Variants in NELL1 observed in about 807,000 individuals in gnomAD.
NELL1 encodes the protein neural EGFL like 1, also known as protein kinase C-binding protein NELL1.
A neutral mutation model predicts 107.4 loss-of-function variants in NELL1; 76 were observed. That is an observed-to-expected ratio of 0.71 (90% CI 0.59 to 0.86). The LOEUF is 0.86. NELL1 is among the 40% of genes least tolerant of loss of function. The pLI is 0.00. For missense variants in NELL1, 1,024 were observed against 1,005.5 expected (o/e 1.02, Z -0.25); for synonymous variants, 353 against 341.2 (o/e 1.03, Z -0.38).
intron 3 of NELL1, among the ~76,000 whole-genome samples, chr11:20,840,817 A>G (rs988387944): frequency 6.6e-6 from 1 of 152,230 alleles, no homozygotes; most frequent in Non-Finnish European, 1.5e-5. Flanking sequence ...CGCATTGTAG[A>G]AGAGTATGCC....
intron 13 of NELL1, among the ~76,000 whole-genome samples, chr11:21,203,944 C>G (rs1180533817): frequency 6.6e-6 from 1 of 152,186 alleles, no homozygotes; most frequent in Non-Finnish European, 1.5e-5. Context: ...GGCCCCCACT[C>G]TCTTCTAGCT....
chr11:20,884,511 C>A (rs1849469005), intron 4 of NELL1, among the ~76,000 whole-genome samples: 1 of 17,536 alleles, frequency 5.7e-5, no homozygotes, highest in Admixed American at 8.7e-4. Context: ...CTGAGAGGTA[C>A]TTGCCCGGGG....
At position 21,162,182 on chromosome 11, in the gene NELL1, C is replaced by T. The variant is rs376125651; in HGVS notation, c.1426+48468C>T. Among the ~76,000 whole-genome samples the T allele has an allele frequency of 2.6e-3, 397 of 152,230 alleles. 2 individuals carry two copies. Among genetic ancestry groups the T allele is most frequent in the African/African-American group, 9.4e-3 (389 of 41,542 alleles). ...ACCAGGATGGTCTCAATCCCCTGAC[C>T]TCATGATCTGCCCTCCTTGGCCTCT... On this transcript the variant is annotated intron_variant, in intron 13 of 19. Coordinates refer to ENST00000357134, the MANE Select transcript of NELL1 (RefSeq NM_006157.5).
rs116127078 is a variant in NELL1 at position 20,899,763 on chromosome 11, A to G, written c.603+14223A>G. On this transcript the variant is annotated intron_variant, in intron 5 of 19. Coordinates refer to ENST00000357134, the MANE Select transcript of NELL1 (RefSeq NM_006157.5). ...AGGCATAAATATATTAGAAATAAAA[A>G]AAGCATATAACAATAAATGCTGCAA... Among the ~76,000 whole-genome samples the G allele has an allele frequency of 8.8e-3, 1,346 of 152,294 alleles. 22 individuals carry two copies. The highest frequency in any genetic ancestry group is 0.031 in the African/African-American group (1,304 of 41,560).
At chr11:20,998,129 A>T (rs1852132202) in intron 12 of NELL1, among the ~76,000 whole-genome samples, 1 of 152,216 alleles carries the variant, frequency 6.6e-6, no homozygotes, top group Non-Finnish European at 1.5e-5. Flanking sequence ...AGATTTTTAG[A>T]ATATTTTAAA....
At chr11:21,383,338 G>C (rs1215889208) in intron 15 of NELL1, among the ~76,000 whole-genome samples, 1 of 151,846 alleles carries the variant, frequency 6.6e-6, no homozygotes, top group Non-Finnish European at 1.5e-5. Context: ...TTATCTATGG[G>C]TGGCAGCAAT....
chr11:21,019,424 G>C (rs1852646418), intron 12 of NELL1, among the ~76,000 whole-genome samples: 2 of 152,026 alleles, frequency 1.3e-5, no homozygotes, highest in South Asian at 4.1e-4. Flanking sequence ...GGCACAGTAT[G>C]GTATACTCTG....
intron 2 of NELL1, among the ~76,000 whole-genome samples, chr11:20,694,535 T>G (rs1854562992): frequency 6.6e-6 from 1 of 152,158 alleles, no homozygotes; most frequent in African/African-American, 2.4e-5. Flanking sequence ...CCTTTCCCCA[T>G]CACTTATCTT....
At chr11:21,138,177 C>T (rs1489054371) in intron 13 of NELL1, among the ~76,000 whole-genome samples, 1 of 152,124 alleles carries the variant, frequency 6.6e-6, no homozygotes, top group Non-Finnish European at 1.5e-5. Context: ...CATAATTGCT[C>T]TCTCAGTCTC....
At chr11:21,226,825 TG>T (rs1170302397) in intron 13 of NELL1, among the ~76,000 whole-genome samples, 1 of 152,136 alleles carries the variant, frequency 6.6e-6, no homozygotes, top group Non-Finnish European at 1.5e-5. Flanking sequence ...TTCATGAACA[TG>T]GTAAGAGTAT....
At chr11:20,958,014 A>G (rs981846204) in intron 11 of NELL1, among the ~76,000 whole-genome samples, 1 of 152,236 alleles carries the variant, frequency 6.6e-6, no homozygotes, top group Non-Finnish European at 1.5e-5. Flanking sequence ...ATTTTCCAAA[A>G]TGATGAAAGA....
intron 2 of NELL1, among the ~76,000 whole-genome samples, chr11:20,706,448 C>A (rs1468467145): frequency 7.0e-6 from 1 of 143,594 alleles, no homozygotes; most frequent in African/African-American, 2.6e-5. Flanking sequence ...TGTTTTTACT[C>A]AGAGGTGGGG....
intron 9 of NELL1, among the ~76,000 whole-genome samples, chr11:20,937,076 T>A (rs1048342983): frequency 1.3e-5 from 2 of 152,224 alleles, no homozygotes; most frequent in African/African-American, 4.8e-5. Context: ...AATTGACATA[T>A]GCTGTACTTG....
chr11:21,370,902 C>A lies in NELL1; in HGVS notation c.1599C>A (p.Asn533Lys). The A allele has an allele frequency of 6.2e-7, 1 of 1,611,764 alleles. No individual in the cohort carries two copies. The highest frequency in any genetic ancestry group is 1.3e-5 in the African/African-American group (1 of 74,918). The change falls in exon 15 of 20, where the codon AAC becomes AAA. Residue 533 changes from asparagine to lysine, a missense_variant. Asn to Lys is a moderately conservative substitution (Grantham distance 94). Coordinates refer to ENST00000357134, the MANE Select transcript of NELL1 (RefSeq NM_006157.5). ...ACGGTGGAACGTGTGTGGCTCCCAA[C>A]AAATGTGTCTGTCCATCTGGATTCA... ...CRYGGTCVAP[N>K]KCVCPSGFTG...
chr11:21,456,193 T>C (rs984608907), intron 15 of NELL1, among the ~76,000 whole-genome samples: 1 of 152,144 alleles, frequency 6.6e-6, no homozygotes, highest in Non-Finnish European at 1.5e-5. Context: ...CCTTTTACTC[T>C]TTCTTCTTTT....
intron 14 of NELL1, among the ~76,000 whole-genome samples, chr11:21,315,056 C>A (rs1849846761): frequency 6.6e-6 from 1 of 152,072 alleles, no homozygotes; most frequent in Admixed American, 6.5e-5. Context: ...GGCGTGTCTC[C>A]ATGTTGGCCA....
chr11:21,147,830 C>T (rs550023761), intron 13 of NELL1, among the ~76,000 whole-genome samples: 8 of 96,418 alleles, frequency 8.3e-5, no homozygotes, highest in Middle Eastern at 9.1e-3. Flanking sequence ...GAGTGAAACT[C>T]CGTCTCAAAA....
intron 2 of NELL1, among the ~76,000 whole-genome samples, chr11:20,731,177 C>A (rs1419548217): frequency 6.6e-6 from 1 of 152,184 alleles, no homozygotes; most frequent in Non-Finnish European, 1.5e-5. Context: ...GTTCTGCAGA[C>A]ACCTGAGGAG....
intron 15 of NELL1, among the ~76,000 whole-genome samples, chr11:21,506,765 T>C (rs1210605820): frequency 6.6e-6 from 1 of 152,196 alleles, no homozygotes; most frequent in Non-Finnish European, 1.5e-5. Flanking sequence ...CCCTCTCCTT[T>C]ATTGCCTAGC....
Sources: allele counts gnomAD v4.1 joint callset (sites outside exome capture counted in the v4.1 genomes callset), GRCh38; gene constraint gnomAD v4.1.1; transcripts MANE v1.5; gene names NCBI Gene and HGNC (gene_info 2026-07-23, HGNC 2026-07-21).